Variants in TENM4 observed in about 807,000 individuals in gnomAD.
TENM4 encodes the protein teneurin-4.
TENM4 carries 82 observed loss-of-function variants against 243.3 expected under a neutral mutation model. The ratio of observed to expected loss-of-function variants is 0.34; its 90% confidence interval spans 0.28 to 0.40. TENM4 has a LOEUF of 0.40. TENM4 is among the 10% of genes least tolerant of loss of function. TENM4 has a pLI of 1.00. For synonymous variants in TENM4, 1,412 were observed against 1,456.3 expected (o/e 0.97, Z 0.69); for missense variants, 3,138 against 3,673.3 (o/e 0.85, Z 3.77).
chr11:78,798,242 C>A (rs1291792146), intron 15 of TENM4, among the ~76,000 whole-genome samples: 1 of 152,182 alleles, frequency 6.6e-6, no homozygotes, highest in Non-Finnish European at 1.5e-5. Flanking sequence ...TATTTTAACC[C>A]GGTTGCTACT....
At chr11:79,057,015 A>G (rs563830992) in intron 6 of TENM4, among the ~76,000 whole-genome samples, 1 of 152,310 alleles carries the variant, frequency 6.6e-6, no homozygotes, top group East Asian at 1.9e-4. Context: ...ATCCCCATCC[A>G]CAGGTACAGG....
At chr11:79,012,988 C>A (rs1351333006) in intron 6 of TENM4, among the ~76,000 whole-genome samples, 1 of 152,178 alleles carries the variant, frequency 6.6e-6, no homozygotes, top group Non-Finnish European at 1.5e-5. Flanking sequence ...TTTCAGTGAT[C>A]CCCAACATAA....
chr11:78,890,406 G>T (rs545463), intron 8 of TENM4, among the ~76,000 whole-genome samples: 140,778 of 152,264 alleles, frequency 0.92, 65,598 homozygotes, highest in Non-Finnish European at 0.99. Context: ...ACTTGGAAAG[G>T]ATCTAAAATC....
chr11:79,132,357 A>AAAAAAAAAAAAAAT (rs2137165068), intron 4 of TENM4, among the ~76,000 whole-genome samples: 1 of 150,092 alleles, frequency 6.7e-6, no homozygotes, highest in South Asian at 2.1e-4. Flanking sequence ...AAAAAAAAAA[A>AAAAAAAAAAAAAAT]AAAAAGAGAA....
chr11:79,264,782 C>T (rs1479915448), intron 2 of TENM4, among the ~76,000 whole-genome samples: 2 of 152,132 alleles, frequency 1.3e-5, no homozygotes. Flanking sequence ...CGGTGGGGTC[C>T]CAAAATAGTA....
chr11:79,024,198 T>A (rs1476312084), intron 6 of TENM4, among the ~76,000 whole-genome samples: 2 of 152,182 alleles, frequency 1.3e-5, no homozygotes, highest in Non-Finnish European at 2.9e-5. Context: ...GTTCCACCAC[T>A]GACTTAGAAT....
At chr11:78,733,763 A>G (rs1855724350) in intron 20 of TENM4, among the ~76,000 whole-genome samples, 1 of 152,170 alleles carries the variant, frequency 6.6e-6, no homozygotes, top group Admixed American at 6.5e-5. Context: ...AGCCAGATGG[A>G]CTCAGATTAT....
chr11:78,712,491 T>C lies in TENM4; in HGVS notation c.4045A>G (p.Asn1349Asp). The change falls in exon 26 of 34, where the codon AAT (asparagine) becomes GAT (aspartate). Residue 1349 changes from asparagine to aspartate, a missense_variant. Physicochemically the swap from Asn to Asp is conservative, Grantham distance 23. Transcript: ENST00000278550. ...TAAGGCAAGGCCTTACCCCTGGGAT[T>C]GGTGAGTGTGGCTTCTGTGGCCTTC... is the stretch of plus-strand genomic sequence containing the variant. ...GGKATEATLT[N>D]PRGITVDKFG... 1 of 1,613,854 alleles carries C rather than the reference T, an allele frequency of 6.2e-7. No individual in the cohort carries two copies. The highest frequency in any genetic ancestry group is 8.5e-7 in the Non-Finnish European group (1 of 1,179,732).
At chr11:79,366,889 T>C (rs1211723139) in intron 1 of TENM4, among the ~76,000 whole-genome samples, 1 of 152,228 alleles carries the variant, frequency 6.6e-6, no homozygotes, top group East Asian at 1.9e-4. Context: ...ATTCATTTTA[T>C]AGCTCTGCCA....
At chr11:79,149,758 T>C (rs571104088) in intron 3 of TENM4, among the ~76,000 whole-genome samples, 1 of 152,062 alleles carries the variant, frequency 6.6e-6, no homozygotes, top group African/African-American at 2.4e-5. Context: ...TGGCTTTCTT[T>C]AAATGTTTCT....
intron 4 of TENM4, among the ~76,000 whole-genome samples, chr11:79,070,424 A>G (rs10899585): frequency 0.39 from 59,265 of 151,964 alleles, 11,812 homozygotes; most frequent in African/African-American, 0.46. Context: ...TTGCATGCAA[A>G]CACTGGGGTA....
intron 9 of TENM4, among the ~76,000 whole-genome samples, chr11:78,871,182 C>T (rs1413699215): frequency 6.6e-6 from 1 of 152,148 alleles, no homozygotes; most frequent in African/African-American, 2.4e-5. Flanking sequence ...CTGATGTGAC[C>T]AGTTACATGA....
At chr11:78,786,055 C>T (rs1263507260) in intron 16 of TENM4, among the ~76,000 whole-genome samples, 3 of 152,074 alleles carry the variant, frequency 2.0e-5, no homozygotes, top group African/African-American at 7.2e-5. Flanking sequence ...CCGGTTGATT[C>T]AATAAAGAGC....
intron 12 of TENM4, among the ~76,000 whole-genome samples, chr11:78,847,993 C>T (rs977462570): frequency 1.3e-4 from 20 of 152,194 alleles, no homozygotes; most frequent in African/African-American, 4.6e-4. Context: ...TCATGAAGGA[C>T]CCAATTTTGG....
chr11:78,776,274 C>T (rs1049557627), intron 17 of TENM4, among the ~76,000 whole-genome samples: 7 of 152,128 alleles, frequency 4.6e-5, no homozygotes, highest in Non-Finnish European at 8.8e-5. Flanking sequence ...TGTTAAATTC[C>T]GCAATCTATA....
chr11:78,979,144 G>A (rs967925652), intron 6 of TENM4, among the ~76,000 whole-genome samples: 9 of 152,160 alleles, frequency 5.9e-5, no homozygotes, highest in Admixed American at 5.2e-4. Context: ...ACAGGTCCCT[G>A]AGCTAGTTGG....
chr11:79,202,673 A>G (rs1333003519), intron 3 of TENM4, among the ~76,000 whole-genome samples: 1 of 152,170 alleles, frequency 6.6e-6, no homozygotes, highest in Non-Finnish European at 1.5e-5. Flanking sequence ...TCTGAGAGTC[A>G]AGGTGATGGT....
chr11:79,031,575 C>CA (rs1859238225), intron 6 of TENM4, among the ~76,000 whole-genome samples: 1 of 152,176 alleles, frequency 6.6e-6, no homozygotes. Flanking sequence ...AGGCATGCAA[C>CA]AGGCATGCAG....
At chr11:78,808,322 G>C (rs781361293) in intron 14 of TENM4, among the ~76,000 whole-genome samples, 26 of 152,212 alleles carry the variant, frequency 1.7e-4, no homozygotes, top group Non-Finnish European at 3.1e-4. Context: ...GGGTTCAGGA[G>C]TGATCATTTG....
Sources: gnomAD v4.1 joint callset for allele counts (sites outside exome capture counted in the v4.1 genomes callset) on GRCh38, gnomAD v4.1.1 for gene constraint, MANE v1.5 for transcripts, NCBI Gene and HGNC (gene_info 2026-07-23, HGNC 2026-07-21) for gene names.